Variants in VGLL3 observed in about 807,000 individuals in gnomAD.
The protein encoded by VGLL3 is transcription cofactor vestigial-like protein 3.
A neutral mutation model predicts 29.2 loss-of-function variants in VGLL3; 18 were observed. The ratio of observed to expected loss-of-function variants is 0.62; its 90% CI spans 0.43 to 0.91. The LOEUF (loss-of-function observed/expected upper bound fraction) is 0.91. VGLL3 is among the 40% of genes least tolerant of loss of function. VGLL3 has a pLI of 0.00. For synonymous variants in VGLL3, 180 were observed against 151.8 expected, an observed-to-expected ratio of 1.19 and a Z score of -1.36; for missense variants, 440 against 413.2, an observed-to-expected ratio of 1.06 and a Z score of -0.56.
intron 3 of VGLL3, among the ~76,000 whole-genome samples, chr3:86,963,647 C>T (rs906412959): frequency 6.6e-6 from 1 of 152,202 alleles, no homozygotes; most frequent in African/African-American, 2.4e-5. Flanking sequence ...TCTTCTCTTA[C>T]ATAGCTAGAA....
At chr3:86,986,123 G>A (rs891457768) in intron 1 of VGLL3, among the ~76,000 whole-genome samples, 17 of 152,176 alleles carry the variant, frequency 1.1e-4, no homozygotes, top group African/African-American at 3.9e-4. Flanking sequence ...GTGCATAGGA[G>A]AACAAGACTT....
At chr3:86,976,903 A>G (rs1329236783) in intron 2 of VGLL3, among the ~76,000 whole-genome samples, 1 of 152,206 alleles carries the variant, frequency 6.6e-6, no homozygotes, top group Non-Finnish European at 1.5e-5. Context: ...ATATCAAATT[A>G]TTTATTAAAG....
chr3:86,949,381 C>A (rs1284221436), intron 3 of VGLL3, among the ~76,000 whole-genome samples: 2 of 151,902 alleles, frequency 1.3e-5, no homozygotes, highest in Non-Finnish European at 2.9e-5. Flanking sequence ...TCTAATGGAC[C>A]CTTGTGGTTA....
intron 1 of VGLL3, 127 bp downstream of exon 1, chr3:86,990,491 G>T: frequency 2.4e-6 from 3 of 1,266,880 alleles, no homozygotes. Context: ...TCTGCTCAAG[G>T]ACGCTCCCGC....
chr3:86,983,182 A>G (rs1466886353), intron 1 of VGLL3, among the ~76,000 whole-genome samples: 1 of 152,248 alleles, frequency 6.6e-6, no homozygotes, highest in Admixed American at 6.5e-5. Flanking sequence ...AAAGTATTTT[A>G]ATGAATCACT....
chr3:86,970,984 T>C (rs1291311074), intron 2 of VGLL3, among the ~76,000 whole-genome samples: 1 of 152,200 alleles, frequency 6.6e-6, no homozygotes, highest in Non-Finnish European at 1.5e-5. Context: ...TGGATTATTT[T>C]TATTTACAGA....
At position 86,968,702 on chromosome 3, in the gene VGLL3, G is replaced by T. The variant is rs1443157890; in HGVS notation, c.825C>A (p.Pro275=). The change falls in exon 3 of 4, where the codon CCC becomes CCA. Residue 275 remains proline, a synonymous_variant. Transcript: ENST00000398399. ...PSVHAARIPA[P]QCDITKTEPT... ...GTTCTGTCTTTGTGATGTCACACTG[G>T]GGAGCAGGAATCCTGGCCGCATGCA... 6.2e-7 allele frequency: 1 copy of T among 1,614,040 alleles called. No homozygotes were observed. Among genetic ancestry groups the T allele is most frequent in the Non-Finnish European group, 8.5e-7 (1 of 1,180,042 alleles).
chr3:86,988,880 T>C (rs1428126447), intron 1 of VGLL3, among the ~76,000 whole-genome samples: 1 of 151,934 alleles, frequency 6.6e-6, no homozygotes, highest in Non-Finnish European at 1.5e-5. Flanking sequence ...AGAGTTTTCC[T>C]GATTTTTATT....
intron 3 of VGLL3, among the ~76,000 whole-genome samples, chr3:86,955,235 T>A (rs1301818370): frequency 6.6e-6 from 1 of 152,224 alleles, no homozygotes; most frequent in Non-Finnish European, 1.5e-5. Context: ...GAAATATACT[T>A]GCATTTTAAT....
At chr3:86,968,521 A>G in intron 3 of VGLL3, 69 bp downstream of exon 3, 14 of 1,497,936 alleles carry the variant, frequency 9.3e-6, no homozygotes, top group Non-Finnish European at 1.2e-5. Flanking sequence ...AATAATTTCA[A>G]AACAAATTTC....
chr3:86,966,880 T>A (rs112889192), intron 3 of VGLL3, among the ~76,000 whole-genome samples: 77 of 144,746 alleles, frequency 5.3e-4, no homozygotes, highest in African/African-American at 1.9e-3. Flanking sequence ...CATAGCTCTG[T>A]AAGTATGAAG....
At position 86,958,508 on chromosome 3, in the gene VGLL3, T is replaced by C. The variant is rs547669451; in HGVS notation, c.937+10082A>G. Among the ~76,000 whole-genome samples the C allele has an allele frequency of 2.6e-5, 4 of 152,328 alleles. No individual in the cohort carries two copies. The East Asian group carries it at 7.7e-4, about 29-fold the overall frequency. Reference sequence around the variant, plus strand: ...CCTGTTCCACCAAGTAGGAGAAGAATCTGAGGCAAATCCCCATACTTTAGG... The same window carrying C: ...CCTGTTCCACCAAGTAGGAGAAGAACCTGAGGCAAATCCCCATACTTTAGG... On this transcript the variant is annotated intron_variant, in intron 3 of 3. Transcript: ENST00000398399.
intron 3 of VGLL3, chr3:86,962,235 G>C (rs1223246391): frequency 8.1e-6 from 8 of 985,274 alleles, no homozygotes; most frequent in Non-Finnish European, 9.6e-6. Context: ...CAAGGTACCT[G>C]TATGTAATAC....
chr3:86,981,295 A>T (rs933397264), intron 1 of VGLL3, among the ~76,000 whole-genome samples: 1 of 152,048 alleles, frequency 6.6e-6, no homozygotes, highest in African/African-American at 2.4e-5. Context: ...AGTTTTCTAA[A>T]TGCTTCATAA....
In VGLL3 at chr3:86,954,139, G is replaced by A. The variant is rs779787008; in HGVS notation, c.938-7072C>T. On this transcript the variant is annotated intron_variant, in intron 3 of 3. Coordinates refer to ENST00000398399, the MANE Select transcript of VGLL3 (RefSeq NM_016206.4). ...AAATCTCCACGTAGTAGTATTGTCA[G>A]AAACAATGAGGTTAAAAACTGTCTG... Among the ~76,000 whole-genome samples, 67 of 152,178 alleles carry A rather than the reference G, an allele frequency of 4.4e-4. 1 individual carries two copies. The highest frequency in any genetic ancestry group is 8.5e-4 in the Non-Finnish European group (58 of 68,036).
At position 86,941,966 on chromosome 3, in the gene VGLL3, T is replaced by G. The variant is rs1023249909; in HGVS notation, c.*5058A>C. 4 of 152,150 alleles carry G rather than the reference T, an allele frequency of 2.6e-5. No homozygotes were observed. The highest frequency in any genetic ancestry group is 9.7e-5 in the African/African-American group (4 of 41,446). The allele number at this position is 152,150 out of a possible 1,614,324, so 9.4% of individuals were successfully genotyped here. ...TTCACTTTTTTATAGGTTATATGTTTGTTTTCAACATTCGTTTTTGAATGG... is the reference window on the plus strand; with the variant it reads ...TTCACTTTTTTATAGGTTATATGTTGGTTTTCAACATTCGTTTTTGAATGG... On this transcript the variant is annotated 3_prime_UTR_variant, in exon 4 of 4. Coordinates refer to ENST00000398399, the MANE Select transcript of VGLL3 (RefSeq NM_016206.4).
At chr3:86,961,233 C>T (rs952313302) in intron 3 of VGLL3, among the ~76,000 whole-genome samples, 1 of 152,004 alleles carries the variant, frequency 6.6e-6, no homozygotes, top group African/African-American at 2.4e-5. Flanking sequence ...CACCACAAAG[C>T]ATGACTACTT....
rs918456549 is a variant in VGLL3, at chr3:86,946,316, C to A, written c.*708G>T. 6.6e-6 allele frequency: 1 copy of A among 151,900 alleles called. No homozygotes were observed. Among genetic ancestry groups the A allele is most frequent in the Non-Finnish European group, 1.5e-5 (1 of 67,964 alleles). The allele number at this position is 151,900 out of a possible 1,614,324, so 9.4% of individuals were successfully genotyped here. ...AACTTTTCAAGCTATACATATAATTCAAAACTAATTGAGCTAGCATGGAAT... is the reference window on the plus strand; with the variant it reads ...AACTTTTCAAGCTATACATATAATTAAAAACTAATTGAGCTAGCATGGAAT... On this transcript the variant is annotated 3_prime_UTR_variant, in exon 4 of 4. Transcript: ENST00000398399.
Position 86,946,898 on chromosome 3 carries a change from C to A in VGLL3, c.*126G>T. 1.5e-6 allele frequency: 1 copy of A among 674,532 alleles called. No individual in the cohort carries two copies. Among genetic ancestry groups the A allele is most frequent in the Admixed American group, 2.2e-5 (1 of 45,278 alleles). The allele number at this position is 674,532 out of a possible 1,614,324, so 41.8% of individuals were successfully genotyped here. A position where few individuals can be genotyped will look rare whatever the true frequency, so the allele number is the denominator to read the frequency against. ...AGAAAGGCCGAAAACCAGTCAACTG[C>A]GTGACACTTTGTCTTCTCCTTCTAT... On this transcript the variant is annotated 3_prime_UTR_variant, in exon 4 of 4. Transcript: ENST00000398399.
Sources: gnomAD v4.1 joint callset for allele counts (sites outside exome capture counted in the v4.1 genomes callset) on GRCh38, gnomAD v4.1.1 for gene constraint, MANE v1.5 for transcripts, NCBI Gene and HGNC (gene_info 2026-07-23, HGNC 2026-07-21) for gene names.